CDH13: variants seen among roughly 807,000 people sequenced by gnomAD.
CDH13 encodes the protein cadherin 13, also known as cadherin-13.
A neutral mutation model predicts 63.8 loss-of-function variants in CDH13; 24 were observed. That is an observed-to-expected ratio of 0.38 (90% CI 0.27 to 0.53). CDH13 has a LOEUF of 0.53. CDH13 is among the 20% of genes least tolerant of loss of function. CDH13 has a pLI of 0.85. For missense variants in CDH13, 1,049 were observed against 903.1 expected (o/e 1.16, Z -2.07); for synonymous variants, 503 against 355.3 (o/e 1.42, Z -4.67).
At chr16:83,120,163 A>C (rs1478293289) in intron 3 of CDH13, among the ~76,000 whole-genome samples, 1 of 152,046 alleles carries the variant, frequency 6.6e-6, no homozygotes, top group Non-Finnish European at 1.5e-5. Context: ...GTTTTTCCCG[A>C]ATCAGAGCTT....
intron 3 of CDH13, among the ~76,000 whole-genome samples, chr16:83,037,820 A>T (rs1204937721): frequency 1.3e-5 from 2 of 152,172 alleles, no homozygotes; most frequent in South Asian, 2.1e-4. Flanking sequence ...TGACTCAATT[A>T]TCTGAATCCC....
At chr16:83,251,777 G>A (rs1353244348) in intron 5 of CDH13, among the ~76,000 whole-genome samples, 2 of 152,146 alleles carry the variant, frequency 1.3e-5, no homozygotes, top group Non-Finnish European at 2.9e-5. Context: ...CAGGGGCTTT[G>A]TGCCATCAGG....
At position 83,074,139 on chromosome 16, in the gene CDH13, C is replaced by G. The variant is rs538520676; in HGVS notation, c.366+41921C>G. ...TAACTAATTTCTCTTCACTTACCCT[C>G]CCAGACCGACAAACATCTGCATCCT... On this transcript the variant is annotated intron_variant, in intron 3 of 13. Transcript: ENST00000567109. 5.3e-5 allele frequency among the ~76,000 whole-genome samples: 8 copies of G among 152,324 alleles called. No homozygotes were observed. The East Asian group carries it at 1.5e-3, about 29-fold the overall frequency.
At chr16:82,924,430 C>G (rs1330626740) in intron 2 of CDH13, among the ~76,000 whole-genome samples, 1 of 152,116 alleles carries the variant, frequency 6.6e-6, no homozygotes, top group African/African-American at 2.4e-5. Context: ...AGGACAATAT[C>G]AAAACAAATA....
In CDH13 at chr16:83,797,749, A is replaced by T. The variant is rs981931989; in HGVS notation, c.*2719A>T. The stretch of plus-strand genomic sequence containing the variant: ...AAATTGCTTTTCCCAATTACTGAGC[A>T]CAGGTCTGAGGGTTTTATTTCCACT... On this transcript the variant is annotated 3_prime_UTR_variant, in exon 14 of 14. Coordinates refer to ENST00000567109, the MANE Select transcript of CDH13 (RefSeq NM_001257.5). The T allele has an allele frequency of 6.6e-6, 1 of 152,248 alleles. No individual in the cohort carries two copies. Among genetic ancestry groups the T allele is most frequent in the African/African-American group, 2.4e-5 (1 of 41,462 alleles). 9.4% of individuals were successfully genotyped at this position (152,248 alleles called of 1,614,324 possible).
chr16:83,496,802 A>G (rs2074156398), intron 7 of CDH13, among the ~76,000 whole-genome samples: 1 of 152,216 alleles, frequency 6.6e-6, no homozygotes, highest in Admixed American at 6.5e-5. Flanking sequence ...ATGAACTCAA[A>G]CAAATTTACA....
At chr16:83,058,398 G>A (rs528449266) in intron 3 of CDH13, among the ~76,000 whole-genome samples, 2 of 152,158 alleles carry the variant, frequency 1.3e-5, no homozygotes, top group African/African-American at 2.4e-5. Context: ...CTTCTCTGGC[G>A]GTTTGGTGTT....
intron 5 of CDH13, among the ~76,000 whole-genome samples, chr16:83,320,667 G>A (rs927400091): frequency 1.3e-5 from 2 of 152,122 alleles, no homozygotes; most frequent in Non-Finnish European, 2.9e-5. Flanking sequence ...GATCATCAGT[G>A]CTGCAAGTCA....
At position 83,622,388 on chromosome 16, in the gene CDH13, G is replaced by A. The variant is rs1420399870; in HGVS notation, c.1101+19794G>A. Among the ~76,000 whole-genome samples the A allele has an allele frequency of 4.6e-5, 7 of 152,208 alleles. No homozygotes were observed. In the South Asian group the frequency reaches 1.2e-3, roughly 27 times the overall value. Reference sequence around the variant, plus strand: ...GGGATTCCGAAATGAGAGAAATCAGGCCCCCAAAAGACCAGCCTTCATCAG... The same window carrying A: ...GGGATTCCGAAATGAGAGAAATCAGACCCCCAAAAGACCAGCCTTCATCAG... On this transcript the variant is annotated intron_variant, in intron 8 of 13. Transcript: ENST00000567109.
intron 8 of CDH13, among the ~76,000 whole-genome samples, chr16:83,618,117 G>A (rs1201961474): frequency 2.0e-5 from 3 of 152,102 alleles, no homozygotes; most frequent in Non-Finnish European, 4.4e-5. Context: ...CAGAATCTCT[G>A]AGTCATGTTG....
chr16:83,148,100 G>T (rs769389414), intron 4 of CDH13, among the ~76,000 whole-genome samples: 5 of 152,144 alleles, frequency 3.3e-5, no homozygotes, highest in Non-Finnish European at 7.3e-5. Flanking sequence ...ACCACGCCTG[G>T]CTAATTTTTG....
intron 1 of CDH13, among the ~76,000 whole-genome samples, chr16:82,649,213 G>T (rs957626624): frequency 6.6e-6 from 1 of 152,098 alleles, no homozygotes; most frequent in African/African-American, 2.4e-5. Flanking sequence ...GAGAAATAAA[G>T]CCACTTATCC....
intron 3 of CDH13, among the ~76,000 whole-genome samples, chr16:83,087,721 G>C (rs538771253): frequency 7.3e-6 from 1 of 136,762 alleles, no homozygotes; most frequent in Non-Finnish European, 1.5e-5. Context: ...GTATTAGCAA[G>C]TTCCTGTTAT....
chr16:83,609,231 A>T (rs781075322), intron 8 of CDH13, among the ~76,000 whole-genome samples: 26 of 152,164 alleles, frequency 1.7e-4, no homozygotes, highest in African/African-American at 5.8e-4. Flanking sequence ...TTCTTAAGAC[A>T]TTATGAGATT....
intron 1 of CDH13, among the ~76,000 whole-genome samples, chr16:82,689,693 T>C (rs13334902): frequency 0.15 from 22,284 of 151,986 alleles, 1,849 homozygotes; most frequent in East Asian, 0.38. Flanking sequence ...CTGTAAAGTA[T>C]TGTAAAGGGA....
intron 11 of CDH13, among the ~76,000 whole-genome samples, chr16:83,776,852 A>G (rs557453320): frequency 2.0e-5 from 3 of 152,300 alleles, no homozygotes; most frequent in South Asian, 2.1e-4. Flanking sequence ...CCCCTCTGGC[A>G]TTCTGAACTT....
At chr16:83,562,843 A>G (rs1351149647) in intron 7 of CDH13, among the ~76,000 whole-genome samples, 8 of 152,240 alleles carry the variant, frequency 5.3e-5, no homozygotes, top group African/African-American at 1.9e-4. Context: ...AAAAATAACT[A>G]GAAGTGCTAT....
At chr16:82,913,353 T>A (rs866792443) in intron 2 of CDH13, among the ~76,000 whole-genome samples, 2 of 152,096 alleles carry the variant, frequency 1.3e-5, no homozygotes, top group African/African-American at 4.8e-5. Context: ...CACAGGAGCA[T>A]GTGTCGTTCA....
chr16:83,504,709 A>G (rs1307282213), intron 7 of CDH13, among the ~76,000 whole-genome samples: 1 of 152,230 alleles, frequency 6.6e-6, no homozygotes, highest in Non-Finnish European at 1.5e-5. Flanking sequence ...AGAGTGGCTC[A>G]GGCCCTGTAA....
Sources: gnomAD v4.1 joint callset for allele counts (sites outside exome capture counted in the v4.1 genomes callset) on GRCh38, gnomAD v4.1.1 for gene constraint, MANE v1.5 for transcripts, NCBI Gene and HGNC (gene_info 2026-07-23, HGNC 2026-07-21) for gene names.